Variants in KLHDC10 observed in about 807,000 individuals in gnomAD.
KLHDC10 encodes kelch domain containing 10, also known as kelch domain-containing protein 10.
Under a neutral mutation model 56.1 loss-of-function variants are expected in KLHDC10, and 24 were observed. The observed-to-expected ratio is 0.43, with a 90% confidence interval of 0.31 to 0.60. The LOEUF (loss-of-function observed/expected upper bound fraction) is 0.60. Among genes scored for constraint, KLHDC10 ranks in the 20% least tolerant of loss-of-function variants. KLHDC10 has a pLI of 0.11. For synonymous variants in KLHDC10, 188 were observed against 207.1 expected, an observed-to-expected ratio of 0.91 and a Z score of 0.79; for missense variants, 349 against 567.0, an observed-to-expected ratio of 0.62 and a Z score of 3.91.
At chr7:130,073,646 A>G (rs1215069572) in intron 1 of KLHDC10, among the ~76,000 whole-genome samples, 1 of 152,112 alleles carries the variant, frequency 6.6e-6, no homozygotes, top group Non-Finnish European at 1.5e-5. Flanking sequence ...CCAGTTACTG[A>G]TACTTAGAAC....
chr7:130,102,883 T>G (rs149994289), intron 2 of KLHDC10, among the ~76,000 whole-genome samples: 1 of 152,244 alleles, frequency 6.6e-6, no homozygotes, highest in East Asian at 1.9e-4. Flanking sequence ...TAATGATTAA[T>G]GAATTAGTTT....
chr7:130,077,372 A>AAC (rs1554462077), intron 1 of KLHDC10, among the ~76,000 whole-genome samples: 5 of 145,390 alleles, frequency 3.4e-5, no homozygotes, highest in South Asian at 4.3e-4. Context: ...AAAAAAAAAA[A>AAC]AAAAAAAAAA....
At chr7:130,128,889 A>AAAAAAAAAAATATATATATAT in intron 8 of KLHDC10, among the ~76,000 whole-genome samples, 7 of 66,952 alleles carry the variant, frequency 1.0e-4, no homozygotes, top group Admixed American at 1.5e-4. Flanking sequence ...AAAAAAAAAA[A>AAAAAAAAAAATATATATATAT]ATATATATAT....
At chr7:130,126,960 TG>T (rs1005447720) in intron 7 of KLHDC10, among the ~76,000 whole-genome samples, 3 of 152,078 alleles carry the variant, frequency 2.0e-5, no homozygotes, top group African/African-American at 7.2e-5. Context: ...AAAAATTAGC[TG>T]GGTGTGGTGG....
In KLHDC10 at chr7:130,133,893, C is replaced by A. The variant is rs942651568; in HGVS notation, c.*3147C>A. 1.3e-5 allele frequency: 2 copies of A among 152,180 alleles called. No homozygotes were observed. The highest frequency in any genetic ancestry group is 4.8e-5 in the African/African-American group (2 of 41,444). The allele number at this position is 152,180 out of a possible 1,614,324, so 9.4% of individuals were successfully genotyped here. A position where few individuals can be genotyped will look rare whatever the true frequency, so the allele number is the denominator to read the frequency against. On this transcript the variant is annotated 3_prime_UTR_variant, in exon 10 of 10. Transcript: ENST00000335420. ...GACACAGAATAGGTTGAAATCTTAACTGGGGCTAAACAAAACCCTTTCCAT... is the reference window on the plus strand; with the variant it reads ...GACACAGAATAGGTTGAAATCTTAAATGGGGCTAAACAAAACCCTTTCCAT...
At chr7:130,075,198 C>G (rs977965343) in intron 1 of KLHDC10, among the ~76,000 whole-genome samples, 1 of 152,124 alleles carries the variant, frequency 6.6e-6, no homozygotes, top group Non-Finnish European at 1.5e-5. Flanking sequence ...CAATGGAATT[C>G]AGGTAGCTGT....
chr7:130,089,622 C>T (rs1795742450), intron 1 of KLHDC10, among the ~76,000 whole-genome samples: 1 of 152,146 alleles, frequency 6.6e-6, no homozygotes, highest in South Asian at 2.1e-4. Flanking sequence ...AAAAAGGTTC[C>T]TCTTCCAGGT....
intron 2 of KLHDC10, among the ~76,000 whole-genome samples, chr7:130,100,888 G>C (rs1795919958): frequency 6.6e-6 from 1 of 151,588 alleles, no homozygotes; most frequent in African/African-American, 2.4e-5. Context: ...GAAAACAATG[G>C]TTTTTATTAT....
chr7:130,097,519 A>T (rs1251333627), intron 2 of KLHDC10, among the ~76,000 whole-genome samples: 1 of 152,146 alleles, frequency 6.6e-6, no homozygotes, highest in Non-Finnish European at 1.5e-5. Flanking sequence ...GCCCACTAGA[A>T]AAATAGGTAA....
chr7:130,129,376 A>C (rs1796365154), intron 8 of KLHDC10, 61 bp from the exon 9 acceptor site: 3 of 1,598,302 alleles, frequency 1.9e-6, no homozygotes, highest in Non-Finnish European at 2.6e-6. Flanking sequence ...CCTACTCTAA[A>C]ACACTCCATA....
intron 3 of KLHDC10, among the ~76,000 whole-genome samples, chr7:130,118,019 A>C (rs920789387): frequency 2.6e-5 from 4 of 151,724 alleles, no homozygotes; most frequent in African/African-American, 9.7e-5. Context: ...CACACACAAA[A>C]AAAATTAGCT....
intron 1 of KLHDC10, among the ~76,000 whole-genome samples, chr7:130,080,351 G>T (rs1365924306): frequency 6.6e-6 from 1 of 152,046 alleles, no homozygotes; most frequent in Non-Finnish European, 1.5e-5. Context: ...TTTTTTAGGG[G>T]GTAGAAGAAG....
At chr7:130,078,824 T>G (rs1344588798) in intron 1 of KLHDC10, among the ~76,000 whole-genome samples, 1 of 152,106 alleles carries the variant, frequency 6.6e-6, no homozygotes, top group Non-Finnish European at 1.5e-5. Context: ...GGCCCCTCCT[T>G]TCACTTTTGA....
intron 2 of KLHDC10, among the ~76,000 whole-genome samples, chr7:130,104,020 G>A (rs986238518): frequency 5.9e-5 from 9 of 151,902 alleles, no homozygotes; most frequent in East Asian, 1.9e-4. Context: ...CCCAGGAGGC[G>A]GAGGTTGCAG....
chr7:130,072,157 G>A (rs911148361), intron 1 of KLHDC10, among the ~76,000 whole-genome samples: 1 of 152,158 alleles, frequency 6.6e-6, no homozygotes, highest in East Asian at 1.9e-4. Context: ...TAAAAACTTA[G>A]ATTTTTGTGT....
chr7:130,107,204 C>A (rs765158612), intron 2 of KLHDC10, among the ~76,000 whole-genome samples: 1 of 152,298 alleles, frequency 6.6e-6, no homozygotes, highest in South Asian at 2.1e-4. Flanking sequence ...AAGATGTCCA[C>A]TGTCATCTCC....
chr7:130,099,717 G>A (rs1335129997), intron 2 of KLHDC10, among the ~76,000 whole-genome samples: 2 of 152,258 alleles, frequency 1.3e-5, no homozygotes, highest in Admixed American at 1.3e-4. Context: ...CCCAGATCAA[G>A]TGGGCACCAC....
rs753125209 is a variant in KLHDC10 at position 130,125,850 on chromosome 7, T to C, written c.865-15T>C. 2.1e-4 allele frequency: 329 copies of C among 1,572,840 alleles called. No homozygotes were observed. Among genetic ancestry groups the C allele is most frequent in the Non-Finnish European group, 2.7e-4 (309 of 1,159,678 alleles). Reference sequence around the variant, plus strand: ...ATTATTTATGTATGTGTATATGTTCTTTTTTTTCTCCAAGATCCATGCATA... The same window carrying C: ...ATTATTTATGTATGTGTATATGTTCCTTTTTTTCTCCAAGATCCATGCATA... On this transcript the variant is annotated splice_polypyrimidine_tract_variant and intron_variant, in intron 6 of 9. Coordinates refer to ENST00000335420, the MANE Select transcript of KLHDC10 (RefSeq NM_014997.4).
chr7:130,104,530 G>A (rs1312400556), intron 2 of KLHDC10, among the ~76,000 whole-genome samples: 1 of 152,192 alleles, frequency 6.6e-6, no homozygotes, highest in African/African-American at 2.4e-5. Flanking sequence ...ATGTATGTAA[G>A]AGGCTTAAGC....
Sources: gnomAD v4.1 joint callset for allele counts (sites outside exome capture counted in the v4.1 genomes callset) on GRCh38, gnomAD v4.1.1 for gene constraint, MANE v1.5 for transcripts, NCBI Gene and HGNC (gene_info 2026-07-23, HGNC 2026-07-21) for gene names.